Variants in LAMC3 observed in about 807,000 individuals in gnomAD.
LAMC3 encodes laminin subunit gamma 3, also known as laminin subunit gamma-3.
A neutral mutation model predicts 173.8 loss-of-function variants in LAMC3; 128 were observed. That is an observed-to-expected ratio of 0.74 (90% confidence interval 0.64 to 0.85). The LOEUF is 0.85. LAMC3 is among the 40% of genes least tolerant of loss of function. The pLI is 0.00. For missense variants in LAMC3, 2,022 were observed against 2,156.0 expected (o/e 0.94, Z 1.23); for synonymous variants, 897 against 909.1 (o/e 0.99, Z 0.24).
intron 2 of LAMC3, among the ~76,000 whole-genome samples, chr9:131,027,233 A>C (rs1833736689): frequency 6.6e-6 from 1 of 152,202 alleles, no homozygotes; most frequent in South Asian, 2.1e-4. Context: ...TGAGGCCTGG[A>C]GGGAGACAGC....
chr9:131,030,276 G>C (rs1250596389), intron 2 of LAMC3, among the ~76,000 whole-genome samples: 4 of 152,186 alleles, frequency 2.6e-5, no homozygotes, highest in African/African-American at 9.7e-5. Flanking sequence ...CAGTCCCCCT[G>C]CAATTGAGGC....
At chr9:131,089,396 G>A (rs2133355277) in intron 27 of LAMC3, among the ~76,000 whole-genome samples, 1 of 151,978 alleles carries the variant, frequency 6.6e-6, no homozygotes, top group Non-Finnish European at 1.5e-5. Context: ...AATTTTTTTG[G>A]AGACAGGATC....
chr9:131,033,407 G>A (rs759938460), intron 3 of LAMC3, among the ~76,000 whole-genome samples: 11 of 152,156 alleles, frequency 7.2e-5, no homozygotes, highest in Non-Finnish European at 5.9e-5. Context: ...GAGAGCGTGT[G>A]CCTGGGGTCG....
At position 131,009,388 on chromosome 9, in the gene LAMC3, C is replaced by T. The variant is rs1358184362; in HGVS notation, c.174C>T (p.Pro58=). The T allele has an allele frequency of 1.3e-6, 2 of 1,531,892 alleles. No individual in the cohort carries two copies. Among genetic ancestry groups the T allele is most frequent in the African/African-American group, 1.4e-5 (1 of 71,580 alleles). 94.9% of individuals were successfully genotyped at this position (1,531,892 alleles called of 1,614,324 possible). A position where few individuals can be genotyped will look rare whatever the true frequency, so the allele number is the denominator to read the frequency against. Residue 58 remains proline, a synonymous_variant, in exon 1 of 28, where the codon CCC becomes CCT. Coordinates refer to ENST00000361069, the MANE Select transcript of LAMC3 (RefSeq NM_006059.4). The surrounding 1 kb of genome is among the most constrained non-coding windows in gnomAD (Gnocchi z 4.3). ...CCTCGCACACGTGCGGCAGCCCGCCCGAGGACTTCTGTCCCCACGTGGGCG... is the reference window on the plus strand; with the variant it reads ...CCTCGCACACGTGCGGCAGCCCGCCTGAGGACTTCTGTCCCCACGTGGGCG... ...AQASHTCGSP[P]EDFCPHVGAA...
intron 21 of LAMC3, among the ~76,000 whole-genome samples, 154 bp downstream of exon 21, chr9:131,076,119 G>GC (rs1422986313): frequency 6.6e-6 from 1 of 152,158 alleles, no homozygotes; most frequent in East Asian, 1.9e-4. Flanking sequence ...TCGGAGTGGG[G>GC]CCACAGGGTC....
intron 13 of LAMC3, among the ~76,000 whole-genome samples, chr9:131,061,918 G>A (rs1412115249): frequency 6.6e-6 from 1 of 152,098 alleles, no homozygotes. Flanking sequence ...GGGTGTGGTG[G>A]CATGCACCTG....
chr9:131,073,373 C>T (rs775224645), intron 20 of LAMC3, 52 bp downstream of exon 20: 1 of 1,431,092 alleles, frequency 7.0e-7, no homozygotes, highest in Non-Finnish European at 9.9e-7. Flanking sequence ...CTGGGGGTTC[C>T]AGGGTCAGAG....
rs1044661670 is a variant in LAMC3 at position 131,029,781 on chromosome 9, C to T, written c.679-2264C>T. Among the ~76,000 whole-genome samples the T allele has an allele frequency of 1.3e-5, 2 of 152,262 alleles. No homozygotes were observed. The highest frequency in any genetic ancestry group is 1.3e-4 in the Admixed American group (2 of 15,292). ...TAAGACCGCCAGAGTTGAGGGGCCG[C>T]CTGAGCACCCCTTGGACATAGAGCC... On this transcript the variant is annotated intron_variant, in intron 2 of 27. Transcript: ENST00000361069. This position sits in a 1 kb window ranked among gnomAD's most constrained non-coding sequence, Gnocchi z 4.6.
intron 1 of LAMC3, among the ~76,000 whole-genome samples, chr9:131,010,922 C>T (rs995214783): frequency 3.9e-5 from 6 of 152,326 alleles, no homozygotes; most frequent in South Asian, 4.1e-4. Context: ...GCCGGGTAAG[C>T]GCCAAGTGTC....
intron 13 of LAMC3, among the ~76,000 whole-genome samples, chr9:131,066,262 G>A (rs1034080112): frequency 5.3e-5 from 8 of 151,848 alleles, no homozygotes; most frequent in Non-Finnish European, 8.8e-5. Context: ...AGGCCAAGGC[G>A]GGCAGATCAC....
chr9:131,043,241 A>G (rs895275248), intron 7 of LAMC3, among the ~76,000 whole-genome samples: 4 of 152,180 alleles, frequency 2.6e-5, no homozygotes. Flanking sequence ...TTCCTCTTTC[A>G]AGTGTTCAAG....
chr9:131,027,372 C>T (rs944394560), intron 2 of LAMC3, among the ~76,000 whole-genome samples: 9 of 152,246 alleles, frequency 5.9e-5, no homozygotes, highest in Non-Finnish European at 1.3e-4. Flanking sequence ...GAATTAGTAA[C>T]AGGGCCTGCC....
chr9:131,059,574 A>G (rs969282925), intron 12 of LAMC3, among the ~76,000 whole-genome samples: 2 of 143,864 alleles, frequency 1.4e-5, no homozygotes, highest in African/African-American at 5.0e-5. Context: ...CACACGCCAC[A>G]TACAGGGCAC....
At chr9:131,014,756 T>A (rs1051425332) in intron 1 of LAMC3, among the ~76,000 whole-genome samples, 1 of 152,198 alleles carries the variant, frequency 6.6e-6, no homozygotes, top group South Asian at 2.1e-4. Flanking sequence ...GAAGATCACT[T>A]GAACCAGAAG....
intron 1 of LAMC3, among the ~76,000 whole-genome samples, chr9:131,018,557 C>T (rs1025543102): frequency 2.6e-5 from 4 of 152,140 alleles, no homozygotes; most frequent in African/African-American, 4.8e-5. Flanking sequence ...TCAGGAAAGC[C>T]GAGCCAAGAT....
chr9:131,011,699 T>G, intron 1 of LAMC3, among the ~76,000 whole-genome samples: 2 of 149,834 alleles, frequency 1.3e-5, no homozygotes, highest in Non-Finnish European at 1.5e-5. Flanking sequence ...GCTGTCTGGA[T>G]GGAGCTGGCA....
In LAMC3 at chr9:131,009,429, C is replaced by T; in HGVS notation, c.215C>T (p.Ala72Val). 6.5e-7 allele frequency: 1 copy of T among 1,544,154 alleles called. No homozygotes were observed. The highest frequency in any genetic ancestry group is 8.7e-7 in the Non-Finnish European group (1 of 1,145,826). Residue 72 changes from alanine (A) to valine (V), a missense_variant, in exon 1 of 28, where the codon GCT (alanine) becomes GTT (valine). By Grantham distance (64) the Ala-to-Val change is moderately conservative. Transcript: ENST00000361069. The surrounding 1 kb of genome is among the most constrained non-coding windows in gnomAD (Gnocchi z 4.3). ...CACGTGGGCGCCGCGGGCGCGGGGGCTCATTGCCAGCGCTGCGACGCCGCC... is the reference window on the plus strand; with the variant it reads ...CACGTGGGCGCCGCGGGCGCGGGGGTTCATTGCCAGCGCTGCGACGCCGCC... ...CPHVGAAGAGAHCQRCDAADP... is the reference protein window; with the variant it reads ...CPHVGAAGAGVHCQRCDAADP...
chr9:131,026,859 A>G lies in LAMC3; in HGVS notation c.678+270A>G, dbSNP rs960009592. The stretch of plus-strand genomic sequence containing the variant: ...GTAACTGAGATTACAGGTGCCCGCC[A>G]CGACTCCTGGCTGATTCTTTTTTGT... On this transcript the variant is annotated intron_variant, in intron 2 of 27. Transcript: ENST00000361069. This position sits in a 1 kb window ranked among gnomAD's most constrained non-coding sequence, Gnocchi z 4.8. Among the ~76,000 whole-genome samples the G allele has an allele frequency of 6.6e-6, 1 of 152,198 alleles. No individual in the cohort carries two copies. The highest frequency in any genetic ancestry group is 2.4e-5 in the African/African-American group (1 of 41,444).
intron 4 of LAMC3, among the ~76,000 whole-genome samples, chr9:131,037,269 C>A (rs1588145281): frequency 6.6e-6 from 1 of 152,354 alleles, no homozygotes; most frequent in South Asian, 2.1e-4. Context: ...ATGGTCACGT[C>A]TGTCTCTCAG....
Sources: allele counts gnomAD v4.1 joint callset (sites outside exome capture counted in the v4.1 genomes callset), GRCh38; gene constraint gnomAD v4.1.1; non-coding constraint Gnocchi (gnomAD v3.1); transcripts MANE v1.5; gene names NCBI Gene and HGNC (gene_info 2026-07-23, HGNC 2026-07-21).